The following CDC73 variants were observed in gnomAD, a reference collection of about 807,000 sequenced individuals.
CDC73 encodes the protein parafibromin.
In CDC73, 21 loss-of-function variants were observed where a neutral mutation model predicts 83.7. That is an observed-to-expected ratio of 0.25 (90% CI 0.18 to 0.36). The LOEUF is 0.36. CDC73 is among the 10% of genes least tolerant of loss of function. The pLI, the probability that CDC73 is intolerant of heterozygous loss-of-function variation, is 1.00. For synonymous variants in CDC73, 224 were observed against 212.9 expected, an observed-to-expected ratio of 1.05 and a Z score of -0.45; for missense variants, 342 against 653.3, an observed-to-expected ratio of 0.52 and a Z score of 5.19.
At chr1:193,213,621 G>A (rs563906212) in intron 13 of CDC73, among the ~76,000 whole-genome samples, 6 of 152,270 alleles carry the variant, frequency 3.9e-5, no homozygotes, top group Non-Finnish European at 7.4e-5. Flanking sequence ...CGTAGTGTTT[G>A]TTGCATTCTC....
chr1:193,154,379 A>T (rs180753268), intron 10 of CDC73, among the ~76,000 whole-genome samples: 3 of 152,326 alleles, frequency 2.0e-5, no homozygotes, highest in Admixed American at 2.0e-4. Flanking sequence ...TGTACAGAGC[A>T]GTTTTTCTAA....
Position 193,249,765 on chromosome 1 carries a change from C to T in CDC73, c.1453C>T (p.Leu485=), listed in dbSNP as rs761968225. ...AFHLKYDEVR[L]DPNVQKWDVT... ...CCATCTGAAGTATGATGAAGTTCGT[C>T]TGGATCCAAATGTTCAGAAATGGGA... The change falls in exon 16 of 17, where the codon CTG becomes TTG. Residue 485 remains leucine (L), a synonymous_variant. Coordinates refer to ENST00000367435, the MANE Select transcript of CDC73 (RefSeq NM_024529.5). 6 of 1,609,962 alleles carry T rather than the reference C, an allele frequency of 3.7e-6. No individual in the cohort carries two copies. The highest frequency in any genetic ancestry group is 1.7e-4 in the Middle Eastern group (1 of 6,052).
intron 2 of CDC73, among the ~76,000 whole-genome samples, chr1:193,126,297 G>A (rs995973523): frequency 2.0e-5 from 3 of 152,122 alleles, no homozygotes; most frequent in African/African-American, 7.2e-5. Context: ...CTCTGGAGAA[G>A]TTCATTTGTT....
chr1:193,231,292 C>A (rs1417214205), intron 13 of CDC73, among the ~76,000 whole-genome samples: 1 of 152,010 alleles, frequency 6.6e-6, no homozygotes, highest in Admixed American at 6.6e-5. Context: ...AGTTTAAATC[C>A]CATGTAGTTA....
Position 193,212,401 on chromosome 1 carries a change from C to T in CDC73, c.1078C>T (p.Pro360Ser), listed in dbSNP as rs770734388. 10 of 1,599,550 alleles carry T rather than the reference C, an allele frequency of 6.3e-6. No individual in the cohort carries two copies. The highest frequency in any genetic ancestry group is 1.1e-5 in the South Asian group (1 of 88,862). The change falls in exon 13 of 17, where the codon CCC becomes TCC. Residue 360 changes from proline (P) to serine (S), a missense_variant. This residue lies in a region of CDC73 where 239 missense variants were observed against 420.6 expected (regional missense o/e 0.57). Coordinates refer to ENST00000367435, the MANE Select transcript of CDC73 (RefSeq NM_024529.5). ...PPNQKKGSRT[P>S]IIIIPAATTS... ...TTTTGTCTTTATAGGATCTCGAACA[C>T]CCATTATCATAATTCCTGCAGCTAC...
At chr1:193,145,640 A>G (rs193246080) in intron 7 of CDC73, among the ~76,000 whole-genome samples, 68 of 152,250 alleles carry the variant, frequency 4.5e-4, no homozygotes, top group Admixed American at 2.2e-3. Flanking sequence ...CTTTAATTCA[A>G]TAGATACTGT....
intron 10 of CDC73, among the ~76,000 whole-genome samples, chr1:193,189,490 T>A (rs1676883180): frequency 6.6e-6 from 1 of 152,192 alleles, no homozygotes; most frequent in Non-Finnish European, 1.5e-5. Flanking sequence ...ATGTGACAGG[T>A]TTCTTTTTCA....
chr1:193,194,593 T>G (rs555442651), intron 10 of CDC73, among the ~76,000 whole-genome samples: 1 of 152,274 alleles, frequency 6.6e-6, no homozygotes, highest in South Asian at 2.1e-4. Context: ...TATGACAGAA[T>G]CATTCATCTG....
At chr1:193,122,679 G>C (rs1382572628) in intron 1 of CDC73, 1 of 202,752 alleles carries the variant, frequency 4.9e-6, no homozygotes, top group Non-Finnish European at 1.0e-5. Flanking sequence ...GGAGCACACC[G>C]TCTGGTGCCG....
chr1:193,225,225 A>G lies in CDC73; in HGVS notation c.1155-7768A>G, dbSNP rs1011497624. ...AAATGGCATTAATGCCTTCCCTTTT[A>G]TGGCTGAGTAGTATTCCATGATATA... On this transcript the variant is annotated intron_variant, in intron 13 of 16. Transcript: ENST00000367435. Among the ~76,000 whole-genome samples, 9 of 144,974 alleles carry G rather than the reference A, an allele frequency of 6.2e-5. No homozygotes were observed. In the Admixed American group the frequency reaches 6.4e-4, roughly 10 times the overall value.
chr1:193,173,784 TA>T (rs1314405034), intron 10 of CDC73, among the ~76,000 whole-genome samples: 1 of 152,214 alleles, frequency 6.6e-6, no homozygotes, highest in African/African-American at 2.4e-5. Context: ...AAAATCAAGA[TA>T]TTTTTTAAAA....
chr1:193,160,579 T>G lies in CDC73; in HGVS notation c.972+8135T>G, dbSNP rs1378280894. On this transcript the variant is annotated intron_variant, in intron 10 of 16. Transcript: ENST00000367435. ...CTTTTTATTCCACTTTCTATTTACC[T>G]GCATCAGTGTAACTTTAATTCAATT... Among the ~76,000 whole-genome samples, 3 of 152,084 alleles carry G rather than the reference T, an allele frequency of 2.0e-5. No homozygotes were observed. The East Asian group carries it at 5.8e-4, about 29-fold the overall frequency.
chr1:193,162,310 T>TAATAGATAATATGTAG (rs1558293668), intron 10 of CDC73, among the ~76,000 whole-genome samples: 1 of 121,534 alleles, frequency 8.2e-6, no homozygotes, highest in Non-Finnish European at 1.6e-5. Flanking sequence ...ATACTATATA[T>TAATAGATAATATGTAG]TATATATCAT....
intron 8 of CDC73, among the ~76,000 whole-genome samples, chr1:193,148,982 C>T (rs752256703): frequency 6.6e-6 from 1 of 152,138 alleles, no homozygotes; most frequent in Non-Finnish European, 1.5e-5. Flanking sequence ...AGTACTAATA[C>T]AGCCTTTGCA....
chr1:193,167,351 A>C (rs1454302381), intron 10 of CDC73, among the ~76,000 whole-genome samples: 1 of 152,154 alleles, frequency 6.6e-6, no homozygotes, highest in South Asian at 2.1e-4. Flanking sequence ...TTCCTCAGCC[A>C]CTTCAAAACA....
intron 10 of CDC73, among the ~76,000 whole-genome samples, chr1:193,165,078 A>C (rs1676412976): frequency 6.6e-6 from 1 of 152,144 alleles, no homozygotes. Context: ...TTTTAAAGAG[A>C]TGAGGTCTCA....
intron 7 of CDC73, among the ~76,000 whole-genome samples, chr1:193,144,905 C>G (rs1396352043): frequency 6.6e-6 from 1 of 150,978 alleles, no homozygotes; most frequent in Non-Finnish European, 1.5e-5. Context: ...AAAATGACAG[C>G]TTTCGTGAGA....
chr1:193,234,600 T>G (rs1451345673), intron 14 of CDC73, among the ~76,000 whole-genome samples: 1 of 152,034 alleles, frequency 6.6e-6, no homozygotes, highest in African/African-American at 2.4e-5. Flanking sequence ...GCATTTTCCC[T>G]ACTTCCTTAT....
intron 15 of CDC73, among the ~76,000 whole-genome samples, chr1:193,238,312 T>G (rs113828577): frequency 2.4e-4 from 36 of 152,292 alleles, no homozygotes; most frequent in East Asian, 9.7e-4. Context: ...TCCCCTAGCT[T>G]CTTCTTTTTC....
Sources: gnomAD v4.1 joint callset for allele counts (sites outside exome capture counted in the v4.1 genomes callset) on GRCh38, gnomAD v4.1.1 for gene constraint, gnomAD v4.1.1 regional missense constraint, MANE v1.5 for transcripts, NCBI Gene and HGNC (gene_info 2026-07-23, HGNC 2026-07-21) for gene names.